Variants in GABRB3 observed in about 807,000 individuals in gnomAD.
GABRB3 encodes gamma-aminobutyric acid type A receptor subunit beta3, also known as gamma-aminobutyric acid receptor subunit beta-3.
Under a neutral mutation model 52.1 loss-of-function variants are expected in GABRB3, and 14 were observed. That is an observed-to-expected ratio of 0.27 (90% CI 0.18 to 0.42). The LOEUF (loss-of-function observed/expected upper bound fraction) is 0.42. Among genes scored for constraint, GABRB3 ranks in the 10% least tolerant of loss-of-function variants. GABRB3 has a pLI of 1.00. For missense variants in GABRB3, 307 were observed against 609.1 expected (o/e 0.50, Z 5.22); for synonymous variants, 260 against 232.3 (o/e 1.12, Z -1.08).
At chr15:26,643,622 CTGTGTGTGTG>C (rs57144395) in intron 3 of GABRB3, among the ~76,000 whole-genome samples, 9 of 149,512 alleles carry the variant, frequency 6.0e-5, no homozygotes, top group African/African-American at 7.4e-5. Flanking sequence ...TTTCATGACA[CTGTGTGTGTG>C]TGTGTGTGTG....
chr15:26,628,703 CAAAA>C (rs377076188), intron 3 of GABRB3, among the ~76,000 whole-genome samples: 1 of 131,292 alleles, frequency 7.6e-6, no homozygotes, highest in African/African-American at 2.5e-5. Context: ...AAAAACAAAA[CAAAA>C]CAAAACAAAA....
At chr15:26,634,505 G>A (rs1892992142) in intron 3 of GABRB3, among the ~76,000 whole-genome samples, 1 of 152,140 alleles carries the variant, frequency 6.6e-6, no homozygotes, top group South Asian at 2.1e-4. Flanking sequence ...GAGGGCTGGA[G>A]TGTTTCCACT....
intron 3 of GABRB3, among the ~76,000 whole-genome samples, chr15:26,770,834 T>C (rs1891124679): frequency 6.6e-6 from 1 of 152,006 alleles, no homozygotes; most frequent in African/African-American, 2.4e-5. Flanking sequence ...TGTTTCCTTA[T>C]AAACATAAAA....
chr15:26,763,607 T>TACACACACACACACAC (rs150301275), intron 3 of GABRB3, among the ~76,000 whole-genome samples: 4,508 of 145,882 alleles, frequency 0.031, 93 homozygotes, highest in African/African-American at 0.044. Flanking sequence ...TCTGCATAGA[T>TACACACACACACACAC]ACACACACAC....
rs141326350 is a variant in GABRB3 at position 26,728,964 on chromosome 15, C to T, written c.240+43438G>A. ...TGATGCAATTTTCCTCAAGAAGGTC[C>T]GGGTTTTGGTGGCATAACAGAAACA... On this transcript the variant is annotated intron_variant, in intron 3 of 8. Transcript: ENST00000311550. 2.6e-3 allele frequency among the ~76,000 whole-genome samples: 398 copies of T among 152,226 alleles called. 2 individuals carry two copies. Among genetic ancestry groups the T allele is most frequent in the African/African-American group, 9.1e-3 (380 of 41,534 alleles).
intron 6 of GABRB3, among the ~76,000 whole-genome samples, chr15:26,568,495 CCTTT>C (rs1487522721): frequency 2.4e-4 from 30 of 127,558 alleles, no homozygotes; most frequent in African/African-American, 6.3e-4. Flanking sequence ...ATTTTGTTTT[CCTTT>C]CTTTTTTTTT....
chr15:26,562,418 G>C (rs892249250), intron 7 of GABRB3, among the ~76,000 whole-genome samples: 2 of 152,148 alleles, frequency 1.3e-5, no homozygotes, highest in African/African-American at 2.4e-5. Context: ...CCTGAAAAAG[G>C]AGACTTTCAA....
intron 3 of GABRB3, among the ~76,000 whole-genome samples, chr15:26,746,283 A>G (rs775889463): frequency 1.3e-5 from 2 of 152,004 alleles, no homozygotes; most frequent in Admixed American, 6.6e-5. Context: ...GTCAGTGCAT[A>G]TGTTTTGCCC....
rs201495978 is a variant in GABRB3 at position 26,681,866 on chromosome 15, G to A, written c.241-60332C>T. ...ACGTGCCTCTAGTCCCAGCTATCTG[G>A]GAGGTGGAGGTGGAAGGATCACTTG... is the stretch of plus-strand genomic sequence containing the variant. On this transcript the variant is annotated intron_variant, in intron 3 of 8. Transcript: ENST00000311550. 1.6e-4 allele frequency among the ~76,000 whole-genome samples: 24 copies of A among 152,220 alleles called. No individual in the cohort carries two copies. In the East Asian group the frequency reaches 4.7e-3, roughly 29 times the overall value.
chr15:26,707,674 C>G (rs564751860), intron 3 of GABRB3, among the ~76,000 whole-genome samples: 4 of 152,152 alleles, frequency 2.6e-5, no homozygotes. Context: ...GGGTTCACTG[C>G]CCCAGGCTAA....
intron 3 of GABRB3, chr15:26,716,810 C>A (rs956679739): frequency 8.9e-5 from 102 of 1,142,174 alleles, no homozygotes; most frequent in Admixed American, 3.2e-4. Flanking sequence ...GACCTCCACC[C>A]AACCACAGCC....
chr15:26,582,398 C>T (rs2140735226), intron 5 of GABRB3, among the ~76,000 whole-genome samples: 1 of 152,336 alleles, frequency 6.6e-6, no homozygotes, highest in South Asian at 2.1e-4. Flanking sequence ...CCTTCAAATA[C>T]TGGGAAATCA....
intron 7 of GABRB3, among the ~76,000 whole-genome samples, chr15:26,564,422 G>A (rs72700066): frequency 0.18 from 27,386 of 152,148 alleles, 3,100 homozygotes; most frequent in Admixed American, 0.25. Flanking sequence ...GAGCAGCCGA[G>A]GAGCACGGCT....
intron 6 of GABRB3, among the ~76,000 whole-genome samples, chr15:26,572,397 G>A (rs1297100066): frequency 6.6e-6 from 1 of 152,208 alleles, no homozygotes; most frequent in Non-Finnish European, 1.5e-5. Flanking sequence ...CAGGGATGAA[G>A]GAGAGCTTTC....
chr15:26,554,055 TTATATATAAAGTGTGTA>T (rs1889606222), intron 8 of GABRB3, among the ~76,000 whole-genome samples: 2 of 48,360 alleles, frequency 4.1e-5, no homozygotes, highest in Middle Eastern at 0.014. Context: ...TTATATTTAT[TTATATATAAAGTGTGTA>T]TATATATAAA....
At chr15:26,646,792 C>T (rs547485811) in intron 3 of GABRB3, among the ~76,000 whole-genome samples, 7 of 152,104 alleles carry the variant, frequency 4.6e-5, no homozygotes, top group African/African-American at 9.7e-5. Context: ...ATTTCCCTAG[C>T]GACTAATGAT....
Position 26,608,708 on chromosome 15 carries a change from A to T in GABRB3, c.461+12606T>A, listed in dbSNP as rs551065331. Reference sequence around the variant, plus strand: ...CAAGACATATGAAAAGAAGTTCAACATCACTAATCATTAGGGAAACACAAA... The same window carrying T: ...CAAGACATATGAAAAGAAGTTCAACTTCACTAATCATTAGGGAAACACAAA... On this transcript the variant is annotated intron_variant, in intron 4 of 8. Transcript: ENST00000311550. Among the ~76,000 whole-genome samples the T allele has an allele frequency of 4.4e-4, 67 of 152,334 alleles. No homozygotes were observed. The South Asian group carries it at 0.013, about 30-fold the overall frequency.
chr15:26,599,203 A>G (rs1215075692), intron 4 of GABRB3, among the ~76,000 whole-genome samples: 1 of 152,202 alleles, frequency 6.6e-6, no homozygotes, highest in African/African-American at 2.4e-5. Context: ...CATTTAGCCA[A>G]AAGTCCACTC....
chr15:26,644,809 G>C (rs192911731), intron 3 of GABRB3, among the ~76,000 whole-genome samples: 5 of 152,296 alleles, frequency 3.3e-5, no homozygotes, highest in African/African-American at 7.2e-5. Flanking sequence ...AGGAGCAGAA[G>C]CAAGTCCAAG....
Sources: gnomAD v4.1 joint callset for allele counts (sites outside exome capture counted in the v4.1 genomes callset) on GRCh38, gnomAD v4.1.1 for gene constraint, MANE v1.5 for transcripts, NCBI Gene and HGNC (gene_info 2026-07-23, HGNC 2026-07-21) for gene names.